ABCB8: variants seen among roughly 807,000 people sequenced by gnomAD.
ABCB8 encodes ATP binding cassette subfamily B member 8.
ABCB8 carries 52 observed loss-of-function variants against 73.0 expected under a neutral mutation model. The ratio of observed to expected loss-of-function variants is 0.71; its 90% confidence interval spans 0.57 to 0.90. The LOEUF is 0.90. ABCB8 is among the 40% of genes least tolerant of loss of function. The pLI is 0.00. For missense variants in ABCB8, 909 were observed against 974.6 expected (o/e 0.93, Z 0.90); for synonymous variants, 428 against 423.5 (o/e 1.01, Z -0.13).
At chr7:151,033,465 G>A (rs1468151838) in intron 1 of ABCB8, 140 bp from the exon 2 acceptor site, 21 of 1,439,118 alleles carry the variant, frequency 1.5e-5, no homozygotes, top group African/African-American at 2.9e-5. Flanking sequence ...CTTCAGAACA[G>A]CCCTGAGAAG....
At chr7:151,032,868 G>T in intron 1 of ABCB8, 1 of 367,044 alleles carries the variant, frequency 2.7e-6, no homozygotes. Context: ...TGTGTGTCAT[G>T]GCGCCCCAGG....
chr7:151,032,493 A>C (rs1796190152), intron 1 of ABCB8, among the ~76,000 whole-genome samples: 1 of 152,206 alleles, frequency 6.6e-6, no homozygotes, highest in African/African-American at 2.4e-5. Context: ...CAGGAGTTCA[A>C]GACCAGCCTG....
chr7:151,035,565 C>T lies in ABCB8; in HGVS notation c.766-16C>T, dbSNP rs748519673. On this transcript the variant is annotated splice_polypyrimidine_tract_variant and intron_variant, in intron 5 of 15. Coordinates refer to ENST00000358849, the MANE Select transcript of ABCB8 (RefSeq NM_007188.5). ...TGCGGACGCCGTAGCCTCCCGCCTT[C>T]CCTCCCACTCCCTAGGGGCTGCGAA... 6.3e-7 allele frequency: 1 copy of T among 1,577,820 alleles called. No homozygotes were observed. Among genetic ancestry groups the T allele is most frequent in the South Asian group, 1.1e-5 (1 of 88,424 alleles).
rs754895839 is a variant in ABCB8, at chr7:151,043,953, C to T, written c.1766-18C>T. 1 of 1,605,548 alleles carries T rather than the reference C, an allele frequency of 6.2e-7. No homozygotes were observed. Among genetic ancestry groups the T allele is most frequent in the Non-Finnish European group, 8.5e-7 (1 of 1,174,098 alleles). On this transcript the variant is annotated intron_variant, in intron 14 of 15. Coordinates refer to ENST00000358849, the MANE Select transcript of ABCB8 (RefSeq NM_007188.5). Reference sequence around the variant, plus strand: ...AAGTGCACAGCTTCAGGCTCCTGCCCTGCCCCTCCCTTCCCAGGTGAACGG... The same window carrying T: ...AAGTGCACAGCTTCAGGCTCCTGCCTTGCCCCTCCCTTCCCAGGTGAACGG...
chr7:151,032,836 T>A (rs1796200004), intron 1 of ABCB8: 1 of 339,306 alleles, frequency 2.9e-6, no homozygotes, highest in Non-Finnish European at 6.0e-6. Flanking sequence ...CTCTGTTTCC[T>A]CCTTCAGCTG....
intron 9 of ABCB8, chr7:151,037,795 G>A (rs1158773027): frequency 5.8e-6 from 1 of 171,402 alleles, no homozygotes; most frequent in Non-Finnish European, 1.3e-5. Flanking sequence ...GGAAGCGGGA[G>A]GCGGACGGAG....
In ABCB8 at chr7:151,045,269, C is replaced by G; in HGVS notation, c.2077C>G (p.Gln693Glu). 1 of 1,605,226 alleles carries G rather than the reference C, an allele frequency of 6.2e-7. No individual in the cohort carries two copies. Among genetic ancestry groups the G allele is most frequent in the South Asian group, 1.1e-5 (1 of 89,866 alleles). ...GCTATACGCCGAGCTCATCCGGAGG[C>G]AGGCCCTGGATGCCCCGAGGACAGC... ...GGLYAELIRR[Q>E]ALDAPRTAAP... The change falls in exon 16 of 16, where the codon CAG becomes GAG. Residue 693 changes from glutamine to glutamate, a missense_variant. Physicochemically the swap from Gln to Glu is conservative, Grantham distance 29. Coordinates refer to ENST00000358849, the MANE Select transcript of ABCB8 (RefSeq NM_007188.5).
At chr7:151,037,185 G>A (rs1345755337) in intron 9 of ABCB8, 1 of 702,876 alleles carries the variant, frequency 1.4e-6, no homozygotes, top group Non-Finnish European at 2.6e-6. Context: ...CCTCTAAGTG[G>A]AGTCAGACTA....
At chr7:151,040,744 AGGGCTACAGG>A in intron 11 of ABCB8, 74 bp from the exon 12 acceptor site, 1 of 1,600,912 alleles carries the variant, frequency 6.2e-7, no homozygotes, top group South Asian at 1.1e-5. Flanking sequence ...GCCCTCTCAG[AGGGCTACAGG>A]GAGACTTCAG....
chr7:151,042,412 A>T (rs1796492878), intron 14 of ABCB8, among the ~76,000 whole-genome samples: 1 of 152,148 alleles, frequency 6.6e-6, no homozygotes, highest in Admixed American at 6.5e-5. Context: ...GGACACAGTG[A>T]TGCATGGTGT....
Position 151,036,156 on chromosome 7 carries a change from A to G in ABCB8, c.1097A>G (p.Asn366Ser), listed in dbSNP as rs267601419. The G allele has an allele frequency of 1.2e-6, 2 of 1,609,886 alleles. No individual in the cohort carries two copies. Among genetic ancestry groups the G allele is most frequent in the Non-Finnish European group, 1.7e-6 (2 of 1,177,254 alleles). Residue 366 changes from asparagine (N) to serine (S), a missense_variant, in exon 8 of 16, where the codon AAC (asparagine) becomes AGC (serine). By Grantham distance (46) the Asn-to-Ser change is conservative. Transcript: ENST00000358849. ...ATCGCCTTGTTCCAAGGGCTTTCCA[A>G]CATCGCCTTCAACTGTGAGTGAGCC... ...RGIALFQGLS[N>S]IAFNCMVLGT...
intron 13 of ABCB8, among the ~76,000 whole-genome samples, chr7:151,041,465 C>A (rs567829871): frequency 6.6e-6 from 1 of 152,266 alleles, no homozygotes; most frequent in East Asian, 1.9e-4. Flanking sequence ...TCCGCATTTA[C>A]AGCAGTCTAC....
At chr7:151,030,618 G>A (rs980253219) in intron 1 of ABCB8, among the ~76,000 whole-genome samples, 14 of 152,290 alleles carry the variant, frequency 9.2e-5, no homozygotes, top group Middle Eastern at 3.4e-3. Context: ...AGGAGTTCAA[G>A]ACCAGCCCGG....
intron 1 of ABCB8, among the ~76,000 whole-genome samples, chr7:151,030,055 T>C (rs1192147493): frequency 6.6e-6 from 1 of 152,358 alleles, no homozygotes; most frequent in East Asian, 1.9e-4. Flanking sequence ...TGCTAAATTA[T>C]TGAAAGGTTT....
intron 2 of ABCB8, 113 bp downstream of exon 2, chr7:151,034,030 G>A (rs1407627802): frequency 7.4e-7 from 1 of 1,352,706 alleles, no homozygotes; most frequent in Non-Finnish European, 9.8e-7. Flanking sequence ...AGCAGCAAGG[G>A]CTAGCCAGGG....
Position 151,040,863 on chromosome 7 carries a change from A to G in ABCB8, c.1424A>G (p.Asp475Gly), listed in dbSNP as rs754545522. The part of the protein sequence containing the change: ...PCRPGFEVLK[D>G]FTLTLPPGKI... ...CGCCCCGGCTTCGAGGTGCTGAAAG[A>G]CTTCACCCTGACGCTGCCCCCTGGC... The change falls in exon 12 of 16, where the codon GAC (aspartate) becomes GGC (glycine). Residue 475 changes from aspartate (D) to glycine (G), a missense_variant. Asp to Gly is a moderately conservative substitution (Grantham distance 94). Coordinates refer to ENST00000358849, the MANE Select transcript of ABCB8 (RefSeq NM_007188.5). The G allele has an allele frequency of 7.5e-6, 12 of 1,604,108 alleles. No homozygotes were observed. Among genetic ancestry groups the G allele is most frequent in the Non-Finnish European group, 1.0e-5 (12 of 1,175,748 alleles).
Position 151,028,916 on chromosome 7 carries a change from T to A in ABCB8, c.95+306T>A, listed in dbSNP as rs757981487. 17 of 1,407,832 alleles carry A rather than the reference T, an allele frequency of 1.2e-5. No individual in the cohort carries two copies. In the African/African-American group the frequency reaches 2.3e-4, roughly 19 times the overall value. The allele number at this position is 1,407,832 out of a possible 1,614,324, so 87.2% of individuals were successfully genotyped here. A position where few individuals can be genotyped will look rare whatever the true frequency, so the allele number is the denominator to read the frequency against. ...TCCCCTTTCCTGGCCCTGGAGGTGA[T>A]TGCGCGATTTGGACGAAAATTCTTA... On this transcript the variant is annotated intron_variant, in intron 1 of 15. Transcript: ENST00000358849.
At chr7:151,040,687 G>A (rs772608763) in intron 11 of ABCB8, 53 bp downstream of exon 11, 12 of 1,600,974 alleles carry the variant, frequency 7.5e-6, no homozygotes, top group Admixed American at 3.4e-5. Flanking sequence ...GGGATGAGGC[G>A]AGTGGATTCG....
chr7:151,041,275 C>T (rs753171402), intron 13 of ABCB8, 43 bp downstream of exon 13: 13 of 1,560,576 alleles, frequency 8.3e-6, no homozygotes, highest in Admixed American at 5.4e-5. Flanking sequence ...ACTGCCCGTC[C>T]TCCCCTGGGC....
Sources: gnomAD v4.1 joint callset for allele counts (sites outside exome capture counted in the v4.1 genomes callset) on GRCh38, gnomAD v4.1.1 for gene constraint, MANE v1.5 for transcripts, NCBI Gene and HGNC (gene_info 2026-07-23, HGNC 2026-07-21) for gene names.